The following UNC13D variants were observed in gnomAD, a reference collection of about 807,000 sequenced individuals.
UNC13D encodes unc-13 homolog D, also known as protein unc-13 homolog D.
Under a neutral mutation model 151.7 loss-of-function variants are expected in UNC13D, and 115 were observed. The ratio of observed to expected loss-of-function variants is 0.76; its 90% confidence interval spans 0.65 to 0.88. UNC13D has a LOEUF of 0.88. Among genes scored for constraint, UNC13D ranks in the 40% least tolerant of loss-of-function variants. The pLI, the probability that UNC13D is intolerant of heterozygous loss-of-function variation, is 0.00. For synonymous variants in UNC13D, 588 were observed against 612.2 expected (o/e 0.96, Z 0.58); for missense variants, 1,369 against 1,438.7 (o/e 0.95, Z 0.78).
rs756749933 is a variant in UNC13D at position 75,834,369 on chromosome 17, G to T, written c.2254C>A (p.Leu752Met). 1.8e-5 allele frequency: 29 copies of T among 1,593,866 alleles called. No homozygotes were observed. Among genetic ancestry groups the T allele is most frequent in the Non-Finnish European group, 2.5e-5 (29 of 1,178,370 alleles). ...HAQLQSALAG[L>M]GHEIRTGVRT... ...ACGCCAGTGCGGATCTCATGGCCCA[G>T]CCCGGCCAGCGCGCTCTGCAGCTGG... The change falls in exon 23 of 32, where the codon CTG becomes ATG. Residue 752 changes from leucine (L) to methionine (M), a missense_variant. This residue lies in a region of UNC13D where 807 missense variants were observed against 795.5 expected (regional missense o/e 1.01). Coordinates refer to ENST00000207549, the MANE Select transcript of UNC13D (RefSeq NM_199242.3).
rs3744025 is a variant in UNC13D at position 75,835,752 on chromosome 17, G to A, written c.1622C>T (p.Thr541Met). The change falls in exon 19 of 32, where the codon ACG becomes ATG. Residue 541 changes from threonine (T) to methionine (M), a missense_variant. Coordinates refer to ENST00000207549, the MANE Select transcript of UNC13D (RefSeq NM_199242.3). ...GGACACTACATCACCCACAACCGTC[G>A]TGTGGTCCTGCACCCGCTTGGCCAC... is the stretch of plus-strand genomic sequence containing the variant. ...WLVAKRVQDHTTVVGDVVSPE... is the reference protein window; with the variant it reads ...WLVAKRVQDHMTVVGDVVSPE... 16 of 1,613,734 alleles carry A rather than the reference G, an allele frequency of 9.9e-6. No individual in the cohort carries two copies. The highest frequency in any genetic ancestry group is 2.2e-5 in the East Asian group (1 of 44,894).
chr17:75,842,903 C>A lies in UNC13D; in HGVS notation c.342G>T (p.Lys114Asn). 2 of 1,613,584 alleles carry A rather than the reference C, an allele frequency of 1.2e-6. No homozygotes were observed. The highest frequency in any genetic ancestry group is 1.7e-6 in the Non-Finnish European group (2 of 1,179,990). ...TGCCCTTGGCCTGTTTCACTGTTGC[C>A]TTCAGACAAAATATTGGCTTCTGGA... ...RELEKPIFCL[K>N]ATVKQAKGIL... The change falls in exon 5 of 32, where the codon AAG (lysine) becomes AAT (asparagine). Residue 114 changes from lysine (K) to asparagine (N), a missense_variant. Transcript: ENST00000207549.
chr17:75,838,073 C>T (rs1390398386), intron 12 of UNC13D, among the ~76,000 whole-genome samples: 1 of 152,172 alleles, frequency 6.6e-6, no homozygotes, highest in Non-Finnish European at 1.5e-5. Context: ...TGCCTGAGGT[C>T]CTAGCAGTAC....
In UNC13D at chr17:75,843,069, A is replaced by G; in HGVS notation, c.266T>C (p.Phe89Ser). The change falls in exon 4 of 32, where the codon TTC becomes TCC. Residue 89 changes from phenylalanine (F) to serine (S), a missense_variant. Physicochemically the swap from Phe to Ser is radical, Grantham distance 155. Around this residue, in one of 3 missense-constraint regions of UNC13D, gnomAD observed 550 missense variants for 609.0 expected, o/e 0.90. Coordinates refer to ENST00000207549, the MANE Select transcript of UNC13D (RefSeq NM_199242.3). ...SELLRYLQEAFHVEPEEHQQT... is the reference protein window; with the variant it reads ...SELLRYLQEASHVEPEEHQQT... ...CTGGTGCTCCTCGGGCTCCACGTGG[A>G]AGGCCTGGTGGGGAGGCAGGCGGGT... 1 of 1,606,212 alleles carries G rather than the reference A, an allele frequency of 6.2e-7. No individual in the cohort carries two copies.
At chr17:75,844,026 C>G (rs1599416322) in intron 1 of UNC13D, 195 bp downstream of exon 1, 1 of 1,430,854 alleles carries the variant, frequency 7.0e-7, no homozygotes, top group South Asian at 1.4e-5. Flanking sequence ...GCCTGAGGCC[C>G]ACAGTGGCCC....
intron 12 of UNC13D, among the ~76,000 whole-genome samples, chr17:75,838,003 G>T (rs2143886355): frequency 6.6e-6 from 1 of 152,210 alleles, no homozygotes; most frequent in East Asian, 1.9e-4. Flanking sequence ...CTCCCCATCT[G>T]GTGCCTGCTC....
chr17:75,841,101 T>C, intron 6 of UNC13D, 100 bp from the exon 7 acceptor site: 1 of 1,278,076 alleles, frequency 7.8e-7, no homozygotes, highest in Non-Finnish European at 1.1e-6. Context: ...TTGTAGCCTA[T>C]CCCTGCCAAA....
Position 75,844,284 on chromosome 17 carries a change from G to A in UNC13D, c.54C>T (p.Ala18=), listed in dbSNP as rs1209005134. The A allele has an allele frequency of 6.2e-6, 10 of 1,612,740 alleles. No homozygotes were observed. Among genetic ancestry groups the A allele is most frequent in the Non-Finnish European group, 7.6e-6 (9 of 1,179,964 alleles). ...TGACTCTGCGGCGCCTTATCTTGAT[G>A]GCCTGGCGCAAGAAGGGAGGGCGCT... The part of the protein sequence containing the change: ...PQQRPPFLRQ[A]IKIRRRRVRD... Residue 18 remains alanine (A), a synonymous_variant, in exon 1 of 32, where the codon GCC becomes GCT. Coordinates refer to ENST00000207549, the MANE Select transcript of UNC13D (RefSeq NM_199242.3).
Position 75,844,265 on chromosome 17 carries a change from TGCGGC to T in UNC13D, c.68_72del (p.Arg23GlnfsTer47). 6.2e-7 allele frequency: 1 copy of T among 1,612,698 alleles called. No homozygotes were observed. Among genetic ancestry groups the T allele is most frequent in the Non-Finnish European group, 8.5e-7 (1 of 1,179,950 alleles). On this transcript the variant is annotated frameshift_variant, in exon 1 of 32. Coordinates refer to ENST00000207549, the MANE Select transcript of UNC13D (RefSeq NM_199242.3). LOFTEE classifies it high-confidence loss of function. ...GGGGGATCCTGTAGATCTCTGACTCTGCGGCGCCTTATCTTGATGGCCTGGCGCAA... is the reference window on the plus strand; with the variant it reads ...GGGGGATCCTGTAGATCTCTGACTCTGCCTTATCTTGATGGCCTGGCGCAA...
intron 13 of UNC13D, 30 bp downstream of exon 13, chr17:75,836,771 G>C: frequency 6.2e-7 from 1 of 1,613,632 alleles, no homozygotes; most frequent in Non-Finnish European, 8.5e-7. Flanking sequence ...AGCCCTGCCT[G>C]CTCAGTGCCC....
chr17:75,840,006 G>A lies in UNC13D; in HGVS notation c.951+12C>T. The A allele has an allele frequency of 6.2e-7, 1 of 1,613,560 alleles. No individual in the cohort carries two copies. The highest frequency in any genetic ancestry group is 1.1e-5 in the South Asian group (1 of 91,076). ...GCAGCCCCGGCTGCGCCCAGCCCCA[G>A]GAGGGCAATACCTCGTGCTGGGTGA... On this transcript the variant is annotated intron_variant, in intron 11 of 31. Transcript: ENST00000207549. The surrounding 1 kb of genome is among the most constrained non-coding windows in gnomAD (Gnocchi z 4.6).
In UNC13D at chr17:75,832,826, G is replaced by A. The variant is rs1482911707; in HGVS notation, c.2447+140C>T. 1.3e-6 allele frequency: 1 copy of A among 748,382 alleles called. No homozygotes were observed. The highest frequency in any genetic ancestry group is 2.3e-6 in the Non-Finnish European group (1 of 438,502). The allele number at this position is 748,382 out of a possible 1,614,324, so 46.4% of individuals were successfully genotyped here. ...GAGGCCCAGGAAAGAGGGGCCGTGGGAGGAGAGGGGGAGGTGGCGAGCGCG... is the reference window on the plus strand; with the variant it reads ...GAGGCCCAGGAAAGAGGGGCCGTGGAAGGAGAGGGGGAGGTGGCGAGCGCG... On this transcript the variant is annotated intron_variant, in intron 25 of 31. Transcript: ENST00000207549. The surrounding 1 kb of genome is among the most constrained non-coding windows in gnomAD (Gnocchi z 4.3).
chr17:75,843,573 T>C, intron 1 of UNC13D, 54 bp from the exon 2 acceptor site: 1 of 1,595,928 alleles, frequency 6.3e-7, no homozygotes, highest in Non-Finnish European at 8.5e-7. Context: ...CAGGCTCAGA[T>C]GGACAGGAAT....
intron 12 of UNC13D, 26 bp downstream of exon 12, chr17:75,839,813 G>T (rs1253491574): frequency 6.2e-7 from 1 of 1,611,612 alleles, no homozygotes; most frequent in Admixed American, 1.7e-5. Context: ...GTGGCTCAGG[G>T]GTTCTGCCCA....
At chr17:75,842,125 G>A (rs915876766) in intron 6 of UNC13D, among the ~76,000 whole-genome samples, 3 of 152,126 alleles carry the variant, frequency 2.0e-5, no homozygotes, top group Non-Finnish European at 4.4e-5. Flanking sequence ...CCAAAGTGCT[G>A]GGATTACAGG....
chr17:75,844,167 C>A (rs1002767020), intron 1 of UNC13D, 54 bp downstream of exon 1: 10 of 1,597,534 alleles, frequency 6.3e-6, no homozygotes, highest in African/African-American at 1.3e-5. Context: ...CACCCGTACC[C>A]GAGACCACAG....
At chr17:75,842,370 G>A (rs2064954991) in intron 6 of UNC13D, 63 bp downstream of exon 6, 9 of 1,568,226 alleles carry the variant, frequency 5.7e-6, no homozygotes, top group Non-Finnish European at 7.8e-6. Flanking sequence ...CTCATTGTCT[G>A]GGGCAGACCC....
Position 75,836,259 on chromosome 17 carries a change from G to T in UNC13D, c.1390-3C>A. 1 of 1,612,910 alleles carries T rather than the reference G, an allele frequency of 6.2e-7. No homozygotes were observed. Among genetic ancestry groups the T allele is most frequent in the Non-Finnish European group, 8.5e-7 (1 of 1,179,646 alleles). ...TGGAACCATTCAGTGGTGCCAGTCT[G>T]TCGACAAAGAGGCAGTGAGCAGGGA... On this transcript the variant is annotated splice_polypyrimidine_tract_variant and splice_region_variant and intron_variant, in intron 15 of 31. Transcript: ENST00000207549.
chr17:75,842,389 A>G, intron 6 of UNC13D, 44 bp downstream of exon 6: 1 of 1,587,672 alleles, frequency 6.3e-7, no homozygotes, highest in African/African-American at 1.3e-5. Context: ...CCTGCTACCC[A>G]GGAAAGACCT....
Sources: allele counts gnomAD v4.1 joint callset (sites outside exome capture counted in the v4.1 genomes callset), GRCh38; gene constraint gnomAD v4.1.1; regional missense constraint gnomAD v4.1.1; non-coding constraint Gnocchi (gnomAD v3.1); transcripts MANE v1.5; gene names NCBI Gene and HGNC (gene_info 2026-07-23, HGNC 2026-07-21).